Variants in FRAS1 observed in about 807,000 individuals in gnomAD.
FRAS1 encodes the protein extracellular matrix organizing protein FRAS1.
A neutral mutation model predicts 435.2 loss-of-function variants in FRAS1; 290 were observed. That is an observed-to-expected ratio of 0.67 (90% CI 0.61 to 0.73). The LOEUF is 0.73. Among genes scored for constraint, FRAS1 ranks in the 30% least tolerant of loss-of-function variants. The pLI is 0.00. For missense variants in FRAS1, 4,860 were observed against 5,001.5 expected, an observed-to-expected ratio of 0.97 and a Z score of 0.85; for synonymous variants, 1,800 against 1,851.0, an observed-to-expected ratio of 0.97 and a Z score of 0.71.
intron 4 of FRAS1, among the ~76,000 whole-genome samples, chr4:78,251,069 T>G (rs1247336718): frequency 6.6e-6 from 1 of 152,220 alleles, no homozygotes; most frequent in African/African-American, 2.4e-5. Context: ...ATTTAAAAAT[T>G]TTAACTCATT....
At chr4:78,451,147 C>G (rs1719009388) in intron 45 of FRAS1, among the ~76,000 whole-genome samples, 1 of 152,036 alleles carries the variant, frequency 6.6e-6, no homozygotes, top group South Asian at 2.1e-4. Context: ...TAAGACCAGC[C>G]CCCTCTTCCC....
At chr4:78,268,082 T>G (rs750631013) in intron 9 of FRAS1, among the ~76,000 whole-genome samples, 58 of 152,332 alleles carry the variant, frequency 3.8e-4, no homozygotes, top group Non-Finnish European at 6.6e-4. Flanking sequence ...TGAACTTGAT[T>G]TTGACCCATT....
intron 47 of FRAS1, among the ~76,000 whole-genome samples, chr4:78,461,037 G>A (rs1719355340): frequency 6.6e-6 from 1 of 152,130 alleles, no homozygotes; most frequent in African/African-American, 2.4e-5. Context: ...TAAAACTCAG[G>A]TTCTAGATGC....
chr4:78,319,095 C>T, intron 18 of FRAS1, 109 bp downstream of exon 18: 1 of 1,116,840 alleles, frequency 9.0e-7, no homozygotes. Flanking sequence ...TAGAATGGTT[C>T]CTAGATGCTT....
intron 2 of FRAS1, among the ~76,000 whole-genome samples, chr4:78,124,458 G>C (rs1212669154): frequency 3.9e-5 from 6 of 152,158 alleles, no homozygotes; most frequent in African/African-American, 9.7e-5. Context: ...TCTCTGCCAG[G>C]CTTTGGCATC....
At chr4:78,427,304 G>A (rs1399896221) in intron 35 of FRAS1, among the ~76,000 whole-genome samples, 1 of 152,018 alleles carries the variant, frequency 6.6e-6, no homozygotes, top group African/African-American at 2.4e-5. Flanking sequence ...AACACCAGGA[G>A]GCTCTCACCA....
intron 7 of FRAS1, 146 bp from the exon 8 acceptor site, chr4:78,266,688 A>G: frequency 3.0e-6 from 2 of 659,550 alleles, no homozygotes; most frequent in Non-Finnish European, 5.4e-6. Flanking sequence ...GGCTATTCCT[A>G]TCTAAATGTT....
At chr4:78,128,568 G>C (rs567717924) in intron 2 of FRAS1, among the ~76,000 whole-genome samples, 8 of 152,230 alleles carry the variant, frequency 5.3e-5, no homozygotes, top group African/African-American at 1.7e-4. Context: ...AGAAGTGTCT[G>C]TTCATATCCT....
chr4:78,346,846 A>C (rs1245940970), intron 20 of FRAS1, among the ~76,000 whole-genome samples: 1 of 151,768 alleles, frequency 6.6e-6, no homozygotes, highest in Non-Finnish European at 1.5e-5. Context: ...TCCTGAGCTG[A>C]TCTCTCCACT....
intron 2 of FRAS1, among the ~76,000 whole-genome samples, chr4:78,081,695 A>C (rs1197041049): frequency 6.6e-6 from 1 of 152,122 alleles, no homozygotes; most frequent in Non-Finnish European, 1.5e-5. Flanking sequence ...CTAGAGATAG[A>C]ATCTGGGAGC....
chr4:78,266,911 C>T lies in FRAS1; in HGVS notation c.765C>T (p.Ala255=). Residue 255 remains alanine (A), a synonymous_variant, in exon 8 of 74, where the codon GCC becomes GCT. Coordinates refer to ENST00000512123, the MANE Select transcript of FRAS1 (RefSeq NM_025074.7). ...GTGAGGTCAGGTGTCACAAGCAGGCCTGCCTGCCCCTGAGATGCGGAAAGG... is the reference window on the plus strand; with the variant it reads ...GTGAGGTCAGGTGTCACAAGCAGGCTTGCCTGCCCCTGAGATGCGGAAAGG... ...DRGEVRCHKQ[A]CLPLRCGKGQ... is the part of the protein sequence containing the mutation. 1 of 1,606,642 alleles carries T rather than the reference C, an allele frequency of 6.2e-7. No homozygotes were observed. The highest frequency in any genetic ancestry group is 1.1e-5 in the South Asian group (1 of 89,124).
intron 29 of FRAS1, among the ~76,000 whole-genome samples, chr4:78,394,593 T>C (rs557824114): frequency 6.6e-6 from 1 of 152,176 alleles, no homozygotes; most frequent in South Asian, 2.1e-4. Flanking sequence ...AGAACTGTAA[T>C]GTTTTAATTA....
chr4:78,300,812 C>A (rs548238921), intron 14 of FRAS1, among the ~76,000 whole-genome samples: 141 of 152,178 alleles, frequency 9.3e-4, no homozygotes, highest in African/African-American at 3.2e-3. Flanking sequence ...AGGGGCAGCC[C>A]TCAGTTTCCC....
At position 78,475,668 on chromosome 4, in the gene FRAS1, T is replaced by C. The variant is rs536032187; in HGVS notation, c.7851+62T>C. The stretch of plus-strand genomic sequence containing the variant: ...AGGGCTGTGACATGGCTGCAAGCAA[T>C]TGTGGCACTTTCCTACTTCTTCCCA... On this transcript the variant is annotated intron_variant, in intron 54 of 73. Transcript: ENST00000512123. 1.2e-4 allele frequency: 178 copies of C among 1,438,644 alleles called. No individual in the cohort carries two copies. In the African/African-American group the frequency reaches 2.1e-3, roughly 17 times the overall value. 89.1% of individuals were successfully genotyped at this position (1,438,644 alleles called of 1,614,324 possible).
rs1448368673 is a variant in FRAS1, at chr4:78,509,005, T to C, written c.9779T>C (p.Met3260Thr). Residue 3260 changes from methionine (M) to threonine (T), a missense_variant and splice_region_variant, in exon 63 of 74, where the codon ATG (methionine) becomes ACG (threonine). Physicochemically the swap from Met to Thr is moderately conservative, Grantham distance 81. Transcript: ENST00000512123. Reference sequence around the variant, plus strand: ...ACACCATTCACCAGTGTCAACCACATGGTAGGTCTGGGGGTCTGGGCCTGG... The same window carrying C: ...ACACCATTCACCAGTGTCAACCACACGGTAGGTCTGGGGGTCTGGGCCTGG... ...DNTPFTSVNHMVLDSIYFSRR... is the reference protein window; with the variant it reads ...DNTPFTSVNHTVLDSIYFSRR... 2 of 1,613,918 alleles carry C rather than the reference T, an allele frequency of 1.2e-6. No homozygotes were observed. Among genetic ancestry groups the C allele is most frequent in the Non-Finnish European group, 1.7e-6 (2 of 1,179,864 alleles).
intron 2 of FRAS1, among the ~76,000 whole-genome samples, chr4:78,189,118 T>C (rs144715218): frequency 1.8e-4 from 28 of 152,380 alleles, no homozygotes; most frequent in African/African-American, 6.5e-4. Flanking sequence ...ATACATCATC[T>C]GCTTCTAGTT....
intron 2 of FRAS1, among the ~76,000 whole-genome samples, chr4:78,112,150 A>T (rs774498077): frequency 6.6e-6 from 1 of 152,170 alleles, no homozygotes; most frequent in Non-Finnish European, 1.5e-5. Flanking sequence ...AATTCTCCAA[A>T]GGAGAAAGGA....
At chr4:78,456,138 C>CTTTTTTTTTTTTTT in intron 47 of FRAS1, among the ~76,000 whole-genome samples, 1 of 51,484 alleles carries the variant, frequency 1.9e-5, no homozygotes, top group Non-Finnish European at 4.1e-5. Flanking sequence ...ACACATGTCA[C>CTTTTTTTTTTTTTT]TTTTTTTTTT....
At chr4:78,136,448 G>A (rs1719924601) in intron 2 of FRAS1, among the ~76,000 whole-genome samples, 1 of 152,120 alleles carries the variant, frequency 6.6e-6, no homozygotes, top group Non-Finnish European at 1.5e-5. Context: ...CTCAATTACG[G>A]AATCCATGCA....
Sources: allele counts gnomAD v4.1 joint callset (sites outside exome capture counted in the v4.1 genomes callset), GRCh38; gene constraint gnomAD v4.1.1; transcripts MANE v1.5; gene names NCBI Gene and HGNC (gene_info 2026-07-23, HGNC 2026-07-21).